FHIT: variants seen among roughly 807,000 people sequenced by gnomAD.
FHIT encodes bis(5'-adenosyl)-triphosphatase.
Under a neutral mutation model 17.9 loss-of-function variants are expected in FHIT, and 19 were observed. The ratio of observed to expected loss-of-function variants is 1.06; its 90% CI spans 0.74 to 1.56. The LOEUF (loss-of-function observed/expected upper bound fraction) is 1.56. FHIT is among the 40% of genes most tolerant of loss of function. The pLI is 0.00. For missense variants in FHIT, 248 were observed against 189.2 expected, an observed-to-expected ratio of 1.31 and a Z score of -1.82; for synonymous variants, 81 against 69.7, an observed-to-expected ratio of 1.16 and a Z score of -0.81.
intron 8 of FHIT, among the ~76,000 whole-genome samples, chr3:59,781,891 G>A (rs1442824009): frequency 2.6e-5 from 4 of 152,154 alleles, no homozygotes; most frequent in South Asian, 2.1e-4. Context: ...TGTTGAAGCC[G>A]TCACTGAGAC....
chr3:60,818,324 G>A (rs1281121708), intron 4 of FHIT, among the ~76,000 whole-genome samples: 1 of 152,156 alleles, frequency 6.6e-6, no homozygotes, highest in Non-Finnish European at 1.5e-5. Flanking sequence ...TGATATGCAA[G>A]TATTGATGTT....
At chr3:59,947,645 C>A (rs1706880275) in intron 7 of FHIT, among the ~76,000 whole-genome samples, 2 of 152,176 alleles carry the variant, frequency 1.3e-5, no homozygotes, top group South Asian at 4.2e-4. Flanking sequence ...ATGCTGCAAC[C>A]CTGGGGGGGC....
At chr3:60,138,651 A>C (rs1699913715) in intron 5 of FHIT, among the ~76,000 whole-genome samples, 1 of 152,070 alleles carries the variant, frequency 6.6e-6, no homozygotes, top group South Asian at 2.1e-4. Context: ...GAGTCTCAGT[A>C]GAGGTAAGTT....
At chr3:61,121,269 A>G (rs1315432878) in intron 2 of FHIT, among the ~76,000 whole-genome samples, 1 of 152,162 alleles carries the variant, frequency 6.6e-6, no homozygotes, top group Non-Finnish European at 1.5e-5. Context: ...CCTCGAGAAG[A>G]GCAAACCCAA....
At chr3:60,254,141 C>T (rs1055062516) in intron 5 of FHIT, among the ~76,000 whole-genome samples, 9 of 152,122 alleles carry the variant, frequency 5.9e-5, no homozygotes, top group African/African-American at 1.7e-4. Context: ...TCTTAGGGCA[C>T]AATGGTTTGG....
chr3:60,217,598 T>C (rs1703757267), intron 5 of FHIT, among the ~76,000 whole-genome samples: 1 of 152,156 alleles, frequency 6.6e-6, no homozygotes, highest in Non-Finnish European at 1.5e-5. Context: ...GAATAAAACC[T>C]ACGCTAGTCC....
chr3:59,780,522 G>A (rs1702534085), intron 8 of FHIT, among the ~76,000 whole-genome samples: 1 of 152,170 alleles, frequency 6.6e-6, no homozygotes, highest in Non-Finnish European at 1.5e-5. Flanking sequence ...GGGTGGTATG[G>A]ACTGAATGTG....
intron 5 of FHIT, among the ~76,000 whole-genome samples, chr3:60,234,938 A>G (rs1704690892): frequency 6.6e-6 from 1 of 152,122 alleles, no homozygotes; most frequent in African/African-American, 2.4e-5. Flanking sequence ...GTTAGTTAAT[A>G]TTTTTACTTT....
intron 8 of FHIT, among the ~76,000 whole-genome samples, chr3:59,882,184 G>C (rs1289896894): frequency 6.7e-6 from 1 of 149,908 alleles, no homozygotes; most frequent in Non-Finnish European, 1.5e-5. Context: ...CACACTGCTG[G>C]TAGGAAATGC....
intron 4 of FHIT, among the ~76,000 whole-genome samples, chr3:60,794,885 C>G (rs182998126): frequency 2.7e-4 from 41 of 152,228 alleles, no homozygotes; most frequent in Admixed American, 5.2e-4. Flanking sequence ...AATTCTTTGA[C>G]TATGTAATAC....
At chr3:61,186,321 T>C (rs955959741) in intron 2 of FHIT, among the ~76,000 whole-genome samples, 1 of 152,180 alleles carries the variant, frequency 6.6e-6, no homozygotes, top group Admixed American at 6.5e-5. Flanking sequence ...CAAGATTAAG[T>C]AGAATTAAGA....
intron 5 of FHIT, among the ~76,000 whole-genome samples, chr3:60,189,875 T>C (rs1702325977): frequency 6.6e-6 from 1 of 152,176 alleles, no homozygotes; most frequent in Admixed American, 6.5e-5. Flanking sequence ...CCAGCACTTG[T>C]TCAGCAAAAC....
intron 8 of FHIT, among the ~76,000 whole-genome samples, chr3:59,890,635 A>T (rs765046084): frequency 1.3e-5 from 2 of 152,172 alleles, no homozygotes; most frequent in Non-Finnish European, 2.9e-5. Flanking sequence ...GCATCTTAGC[A>T]GTCTTAAATC....
intron 2 of FHIT, among the ~76,000 whole-genome samples, chr3:61,162,672 T>A (rs908112358): frequency 6.6e-6 from 1 of 152,232 alleles, no homozygotes; most frequent in African/African-American, 2.4e-5. Flanking sequence ...ATTACCATAT[T>A]ATCAGATTCT....
chr3:60,627,867 C>G (rs1197869496), intron 4 of FHIT, among the ~76,000 whole-genome samples: 1 of 152,156 alleles, frequency 6.6e-6, no homozygotes, highest in African/African-American at 2.4e-5. Context: ...AGTCTTCTTT[C>G]TTTCCTGCTT....
intron 5 of FHIT, among the ~76,000 whole-genome samples, chr3:60,296,238 A>G (rs914581391): frequency 6.6e-6 from 1 of 152,078 alleles, no homozygotes; most frequent in Non-Finnish European, 1.5e-5. Context: ...GAGGAGGGGA[A>G]AGAAGAGGAG....
intron 5 of FHIT, among the ~76,000 whole-genome samples, chr3:60,334,454 C>T (rs980937400): frequency 4.6e-5 from 7 of 152,180 alleles, no homozygotes; most frequent in African/African-American, 1.7e-4. Flanking sequence ...GTAAGTTCCA[C>T]CTGAATTGCA....
intron 2 of FHIT, among the ~76,000 whole-genome samples, chr3:61,096,322 A>G (rs759026166): frequency 1.3e-5 from 2 of 152,178 alleles, no homozygotes; most frequent in Non-Finnish European, 2.9e-5. Flanking sequence ...AATTTCACCA[A>G]CAAAAGTTAT....
intron 5 of FHIT, among the ~76,000 whole-genome samples, chr3:60,029,029 A>C (rs755039080): frequency 5.3e-5 from 8 of 152,008 alleles, no homozygotes; most frequent in Non-Finnish European, 1.0e-4. Flanking sequence ...TGTTCAAGAG[A>C]CTCTCAATAA....
Sources: gnomAD v4.1 joint callset for allele counts (sites outside exome capture counted in the v4.1 genomes callset) on GRCh38, gnomAD v4.1.1 for gene constraint, MANE v1.5 for transcripts, NCBI Gene and HGNC (gene_info 2026-07-23, HGNC 2026-07-21) for gene names.